Variants in SCLY observed in about 807,000 individuals in gnomAD.
SCLY encodes putative selenocysteine lyase.
In SCLY, 38 loss-of-function variants were observed where a neutral mutation model predicts 50.1. The ratio of observed to expected loss-of-function variants is 0.76; its 90% CI spans 0.59 to 0.99. The LOEUF (loss-of-function observed/expected upper bound fraction) is 0.99, where lower values mean the gene tolerates loss of function less well. SCLY is among the 50% of genes least tolerant of loss of function. SCLY has a pLI of 0.00. For missense variants in SCLY, 600 were observed against 620.0 expected (o/e 0.97, Z 0.34); for synonymous variants, 243 against 249.4 (o/e 0.97, Z 0.24).
chr2:238,076,517 C>G (rs186229572), intron 4 of SCLY, among the ~76,000 whole-genome samples: 14 of 151,826 alleles, frequency 9.2e-5, no homozygotes, highest in African/African-American at 1.9e-4. Context: ...ATTTTCTAGT[C>G]TCCCTTGTGG....
rs1128552 is a variant in SCLY, at chr2:238,091,242, T to C, written c.909T>C (p.Ala303=). The C allele has an allele frequency of 0.23, 374,514 of 1,610,528 alleles. 45,721 individuals are homozygous for C. The highest frequency in any genetic ancestry group is 0.34 in the South Asian group (30,602 of 90,978). ...RPGTENTPMI[A]GLGKAAELVT... is the part of the protein sequence containing the mutation. Reference sequence around the variant, plus strand: ...GGACAGAGAACACCCCAATGATTGCTGGCCTTGGGAAGGTGAGCCCTGGTG... The same window carrying C: ...GGACAGAGAACACCCCAATGATTGCCGGCCTTGGGAAGGTGAGCCCTGGTG... Residue 303 remains alanine, a synonymous_variant, in exon 8 of 12, where the codon GCT becomes GCC. Coordinates refer to ENST00000254663, the MANE Select transcript of SCLY (RefSeq NM_016510.7).
chr2:238,088,518 G>A (rs963804103), intron 7 of SCLY, among the ~76,000 whole-genome samples: 12 of 151,942 alleles, frequency 7.9e-5, no homozygotes, highest in Admixed American at 2.6e-4. Context: ...GCTTATGCCT[G>A]TAATCTCCCA....
At chr2:238,094,872 A>G (rs929885776) in intron 10 of SCLY, 19 of 242,812 alleles carry the variant, frequency 7.8e-5, no homozygotes, top group African/African-American at 3.6e-4. Context: ...TTTTAATTAA[A>G]TATTTGAGTG....
chr2:238,069,430 A>G lies in SCLY; in HGVS notation c.437A>G (p.Asp146Gly). 6.2e-7 allele frequency: 1 copy of G among 1,613,690 alleles called. No homozygotes were observed. Among genetic ancestry groups the G allele is most frequent in the Admixed American group, 1.7e-5 (1 of 59,924 alleles). The change falls in exon 4 of 12, where the codon GAC (aspartate) becomes GGC (glycine). Residue 146 changes from aspartate to glycine, a missense_variant. By Grantham distance (94) the Asp-to-Gly change is moderately conservative. Coordinates refer to ENST00000254663, the MANE Select transcript of SCLY (RefSeq NM_016510.7). The surrounding 1 kb of genome is among the most constrained non-coding windows in gnomAD (Gnocchi z 5.0). ...TTCATTACTTCCTCGGTGGAACACG[A>G]CTCCATCCGGCTGCCCCTGGAGCAC... ...PHFITSSVEH[D>G]SIRLPLEHLV...
intron 9 of SCLY, 91 bp from the exon 10 acceptor site, chr2:238,094,329 A>C: frequency 9.5e-7 from 1 of 1,051,388 alleles, no homozygotes; most frequent in Non-Finnish European, 1.5e-6. Context: ...CACCTGCTGA[A>C]GTTGTGTTTC....
chr2:238,096,703 G>T, intron 10 of SCLY, 98 bp from the exon 11 acceptor site: 1 of 1,307,578 alleles, frequency 7.6e-7, no homozygotes, highest in Non-Finnish European at 1.1e-6. Flanking sequence ...GTGGCACAGA[G>T]GGAGGGAAGC....
intron 10 of SCLY, chr2:238,095,828 C>T (rs1217213769): frequency 6.6e-6 from 1 of 152,180 alleles, no homozygotes; most frequent in East Asian, 1.9e-4. Context: ...GTAGCCTTGA[C>T]CTTCTGGGTT....
In SCLY at chr2:238,083,814, ACTT is replaced by A. The variant is rs148550701; in HGVS notation, c.884+461_884+463del. Reference sequence around the variant, plus strand: ...CCCACCACACCTTTTGTTAGAAACTACTTAACAAGAGAGAGAAACAGGAACAGC... The same window carrying A: ...CCCACCACACCTTTTGTTAGAAACTAAACAAGAGAGAGAAACAGGAACAGC... On this transcript the variant is annotated intron_variant, in intron 7 of 11. Coordinates refer to ENST00000254663, the MANE Select transcript of SCLY (RefSeq NM_016510.7). The surrounding 1 kb of genome is among the most constrained non-coding windows in gnomAD (Gnocchi z 4.3). Among the ~76,000 whole-genome samples, 2,595 of 152,314 alleles carry A rather than the reference ACTT, an allele frequency of 0.017. 68 individuals are homozygous for A. The highest frequency in any genetic ancestry group is 0.06 in the African/African-American group (2,493 of 41,550).
intron 8 of SCLY, chr2:238,091,538 CT>C: frequency 2.2e-6 from 1 of 453,158 alleles, no homozygotes; most frequent in Non-Finnish European, 4.1e-6. Context: ...AAGTGTCAAG[CT>C]GCAGGTTCAC....
chr2:238,093,780 C>A, intron 8 of SCLY, 81 bp from the exon 9 acceptor site: 3 of 1,292,568 alleles, frequency 2.3e-6, no homozygotes, highest in Non-Finnish European at 2.2e-6. Flanking sequence ...TCAGGAAATG[C>A]CACCTGTACC....
intron 4 of SCLY, among the ~76,000 whole-genome samples, chr2:238,074,494 T>A (rs144362590): frequency 7.4e-4 from 112 of 152,292 alleles, no homozygotes; most frequent in African/African-American, 2.3e-3. Flanking sequence ...AGTTTAGTTT[T>A]GTTTTTTTGA....
chr2:238,067,636 C>T lies in SCLY; in HGVS notation c.203-429C>T, dbSNP rs112839092. ...CAAAATGAGATATGGCACTGGACTTCGCGTCGAGTCATGAGTTCTGTTTTT... is the reference window on the plus strand; with the variant it reads ...CAAAATGAGATATGGCACTGGACTTTGCGTCGAGTCATGAGTTCTGTTTTT... On this transcript the variant is annotated intron_variant, in intron 2 of 11. Transcript: ENST00000254663. The surrounding 1 kb of genome is among the most constrained non-coding windows in gnomAD (Gnocchi z 4.3). Among the ~76,000 whole-genome samples, 3,917 of 152,316 alleles carry T rather than the reference C, an allele frequency of 0.026. 166 individuals carry two copies. Among genetic ancestry groups the T allele is most frequent in the African/African-American group, 0.09 (3,747 of 41,556 alleles).
chr2:238,093,887 C>T lies in SCLY; in HGVS notation c.948C>T (p.Cys316=), dbSNP rs377292643. 67 of 1,613,866 alleles carry T rather than the reference C, an allele frequency of 4.2e-5. No homozygotes were observed. Among genetic ancestry groups the T allele is most frequent in the African/African-American group, 4.0e-5 (3 of 74,928 alleles). ...GKAAELVTQN[C]EAYEAHMRDV... is the part of the protein sequence containing the mutation. ...CCGCGGAGCTGGTGACCCAGAACTG[C>T]GAGGCTTATGAGGCCCACATGAGGG... Residue 316 remains cysteine (C), a synonymous_variant, in exon 9 of 12, where the codon TGC becomes TGT. Coordinates refer to ENST00000254663, the MANE Select transcript of SCLY (RefSeq NM_016510.7).
At chr2:238,061,269 C>A (rs1205707085) in intron 1 of SCLY, 126 bp downstream of exon 1, 2 of 783,414 alleles carry the variant, frequency 2.6e-6, no homozygotes, top group Non-Finnish European at 2.2e-6. Flanking sequence ...CGGGGATGTC[C>A]GCGAGGTCGG....
At position 238,099,235 on chromosome 2, in the gene SCLY, T is replaced by C. The variant is rs1452886339; in HGVS notation, c.*880T>C. The C allele has an allele frequency of 2.1e-6, 1 of 471,500 alleles. No individual in the cohort carries two copies. Among genetic ancestry groups the C allele is most frequent in the African/African-American group, 2.0e-5 (1 of 50,194 alleles). The allele number at this position is 471,500 out of a possible 1,614,324, so 29.2% of individuals were successfully genotyped here. ...TACCTTAATTTTATTTGCAGAGGAT[T>C]CTTTTCTCAAAATGCTCTGGCATTT... On this transcript the variant is annotated 3_prime_UTR_variant, in exon 12 of 12. Coordinates refer to ENST00000254663, the MANE Select transcript of SCLY (RefSeq NM_016510.7).
rs570897632 is a variant in SCLY at position 238,066,887 on chromosome 2, C to T, written c.203-1178C>T. Among the ~76,000 whole-genome samples, 1 of 152,278 alleles carries T rather than the reference C, an allele frequency of 6.6e-6. No homozygotes were observed. The highest frequency in any genetic ancestry group is 1.9e-4 in the East Asian group (1 of 5,184). Reference sequence around the variant, plus strand: ...GAGGAAGGCGAAAGAGGAGCAAAGTCACATCTTACATGGCAGCAGAGAAGA... The same window carrying T: ...GAGGAAGGCGAAAGAGGAGCAAAGTTACATCTTACATGGCAGCAGAGAAGA... On this transcript the variant is annotated intron_variant, in intron 2 of 11. Coordinates refer to ENST00000254663, the MANE Select transcript of SCLY (RefSeq NM_016510.7). The surrounding 1 kb of genome is among the most constrained non-coding windows in gnomAD (Gnocchi z 4.1).
chr2:238,092,086 AAG>A (rs2065368551), intron 8 of SCLY: 1 of 152,264 alleles, frequency 6.6e-6, no homozygotes, highest in South Asian at 2.1e-4. Flanking sequence ...TACTAGAAGG[AAG>A]AGTGTGTGTT....
At chr2:238,089,911 T>C (rs926710428) in intron 7 of SCLY, among the ~76,000 whole-genome samples, 4 of 152,050 alleles carry the variant, frequency 2.6e-5, no homozygotes, top group Non-Finnish European at 4.4e-5. Context: ...AAAGGAAAAA[T>C]TGATAAATTA....
chr2:238,065,569 A>T (rs574906743), intron 2 of SCLY, among the ~76,000 whole-genome samples: 94 of 147,418 alleles, frequency 6.4e-4, no homozygotes, highest in Non-Finnish European at 1.2e-3. Flanking sequence ...TTGTGTTGCT[A>T]CTCAGATCGA....
Sources: allele counts gnomAD v4.1 joint callset (sites outside exome capture counted in the v4.1 genomes callset), GRCh38; gene constraint gnomAD v4.1.1; non-coding constraint Gnocchi (gnomAD v3.1); transcripts MANE v1.5; gene names NCBI Gene and HGNC (gene_info 2026-07-23, HGNC 2026-07-21).